EYA2: variants seen among roughly 807,000 people sequenced by gnomAD.
EYA2 encodes the protein EYA transcriptional coactivator and phosphatase 2.
EYA2 carries 31 observed loss-of-function variants against 69.2 expected under a neutral mutation model. That is an observed-to-expected ratio of 0.45 (90% CI 0.34 to 0.60). The LOEUF (loss-of-function observed/expected upper bound fraction) is 0.60, where lower values mean the gene tolerates loss of function less well. EYA2 is among the 20% of genes least tolerant of loss of function. EYA2 has a pLI of 0.02. For synonymous variants in EYA2, 257 were observed against 279.4 expected, an observed-to-expected ratio of 0.92 and a Z score of 0.80; for missense variants, 622 against 701.2, an observed-to-expected ratio of 0.89 and a Z score of 1.28.
chr20:47,035,597 T>A (rs1600658415), intron 5 of EYA2, among the ~76,000 whole-genome samples: 1 of 152,318 alleles, frequency 6.6e-6, no homozygotes, highest in African/African-American at 2.4e-5. Flanking sequence ...CCTGAGGCAG[T>A]GACGCTTAGT....
chr20:47,167,350 C>G (rs2034222268), intron 10 of EYA2, among the ~76,000 whole-genome samples: 1 of 138,072 alleles, frequency 7.2e-6, no homozygotes, highest in East Asian at 2.2e-4. Context: ...GGTGTGATCT[C>G]AGCTCACTGC....
At chr20:47,042,970 T>C (rs1453858371) in intron 5 of EYA2, among the ~76,000 whole-genome samples, 1 of 152,018 alleles carries the variant, frequency 6.6e-6, no homozygotes, top group East Asian at 1.9e-4. Context: ...GCCGCTCCAG[T>C]TGGATTTTCT....
intron 14 of EYA2, among the ~76,000 whole-genome samples, chr20:47,182,479 A>G (rs113042077): frequency 0.025 from 3,814 of 151,256 alleles, 151 homozygotes; most frequent in African/African-American, 0.082. Context: ...AAATAAAAAA[A>G]TTAGCAGGGC....
chr20:47,051,710 C>A (rs1384004443), intron 5 of EYA2, among the ~76,000 whole-genome samples: 2 of 152,198 alleles, frequency 1.3e-5, no homozygotes, highest in Non-Finnish European at 2.9e-5. Flanking sequence ...TTTATGCACC[C>A]TCAGCCCCTC....
chr20:47,098,520 T>C (rs932768408), intron 9 of EYA2, among the ~76,000 whole-genome samples: 1 of 152,246 alleles, frequency 6.6e-6, no homozygotes, highest in Non-Finnish European at 1.5e-5. Context: ...GGATGTGTGA[T>C]CTTGGGTATG....
intron 2 of EYA2, among the ~76,000 whole-genome samples, chr20:46,991,946 C>T (rs1186967002): frequency 1.6e-5 from 2 of 123,238 alleles, no homozygotes; most frequent in Non-Finnish European, 1.6e-5. Flanking sequence ...CCAGCCTGGG[C>T]GACAGACGTG....
intron 5 of EYA2, among the ~76,000 whole-genome samples, chr20:47,049,685 G>A (rs562309086): frequency 7.0e-4 from 106 of 151,264 alleles, no homozygotes; most frequent in Admixed American, 1.5e-3. Flanking sequence ...CAGAAGCTGA[G>A]CAGATGCTGG....
intron 10 of EYA2, among the ~76,000 whole-genome samples, chr20:47,156,391 C>G (rs374154596): frequency 1.5e-4 from 23 of 151,296 alleles, no homozygotes; most frequent in African/African-American, 5.1e-4. Flanking sequence ...CGCTAAAGAT[C>G]TTTGGCAAAA....
chr20:47,185,850 CT>C (rs1169758215), intron 15 of EYA2, among the ~76,000 whole-genome samples: 1 of 152,150 alleles, frequency 6.6e-6, no homozygotes, highest in African/African-American at 2.4e-5. Context: ...AACTTACCTT[CT>C]TTTTTTCCCT....
At chr20:46,912,782 G>C (rs1984715647) in intron 1 of EYA2, among the ~76,000 whole-genome samples, 1 of 150,572 alleles carries the variant, frequency 6.6e-6, no homozygotes, top group South Asian at 2.1e-4. Flanking sequence ...CTCACTGCAA[G>C]CTCCGCTTCC....
At chr20:46,913,386 G>A (rs910708128) in intron 1 of EYA2, among the ~76,000 whole-genome samples, 16 of 152,144 alleles carry the variant, frequency 1.1e-4, no homozygotes, top group African/African-American at 3.9e-4. Flanking sequence ...GTAGCCAGGG[G>A]CAGATAATGT....
intron 2 of EYA2, among the ~76,000 whole-genome samples, chr20:46,994,372 G>A (rs1270917590): frequency 2.0e-5 from 3 of 152,176 alleles, no homozygotes; most frequent in Non-Finnish European, 2.9e-5. Flanking sequence ...AAGGGGTGGT[G>A]GGGAGTTCCC....
At chr20:47,126,496 C>G (rs968674434) in intron 9 of EYA2, among the ~76,000 whole-genome samples, 3 of 152,212 alleles carry the variant, frequency 2.0e-5, no homozygotes, top group Admixed American at 6.5e-5. Flanking sequence ...CTGCAGGAGT[C>G]AGTCCTAACT....
intron 5 of EYA2, among the ~76,000 whole-genome samples, chr20:47,036,283 T>C (rs1453940143): frequency 6.6e-6 from 1 of 152,156 alleles, no homozygotes; most frequent in Non-Finnish European, 1.5e-5. Context: ...AATTCAATCA[T>C]GGATAACTAT....
At chr20:47,080,083 T>C (rs1438778391) in intron 7 of EYA2, among the ~76,000 whole-genome samples, 1 of 152,224 alleles carries the variant, frequency 6.6e-6, no homozygotes. Flanking sequence ...TATTAATATC[T>C]TCTGGGCCAT....
At chr20:47,088,765 T>A (rs1001156571) in intron 7 of EYA2, among the ~76,000 whole-genome samples, 1 of 152,296 alleles carries the variant, frequency 6.6e-6, no homozygotes, top group East Asian at 1.9e-4. Context: ...TTTTCTATAC[T>A]TCATAGAGAC....
At chr20:46,960,938 A>C (rs1208021453) in intron 1 of EYA2, among the ~76,000 whole-genome samples, 1 of 152,156 alleles carries the variant, frequency 6.6e-6, no homozygotes, top group Non-Finnish European at 1.5e-5. Flanking sequence ...GCAAGCCGGC[A>C]TCCCAGGAGG....
At chr20:47,082,931 T>C (rs868559464) in intron 7 of EYA2, among the ~76,000 whole-genome samples, 26 of 152,088 alleles carry the variant, frequency 1.7e-4, no homozygotes, top group Middle Eastern at 6.8e-3. Flanking sequence ...CCGTGGCTCG[T>C]GCTTGTAATC....
chr20:47,152,894 T>A (rs1451010176), intron 10 of EYA2, among the ~76,000 whole-genome samples: 1 of 151,396 alleles, frequency 6.6e-6, no homozygotes, highest in African/African-American at 2.4e-5. Context: ...ATCACACCAC[T>A]TCACTCCAGC....
Sources: gnomAD v4.1 joint callset for allele counts (sites outside exome capture counted in the v4.1 genomes callset) on GRCh38, gnomAD v4.1.1 for gene constraint, MANE v1.5 for transcripts, NCBI Gene and HGNC (gene_info 2026-07-23, HGNC 2026-07-21) for gene names.